Variants in BOLA3 observed in about 807,000 individuals in gnomAD.
BOLA3 encodes the protein bolA family member 3.
A neutral mutation model predicts 14.5 loss-of-function variants in BOLA3; 8 were observed. That is an observed-to-expected ratio of 0.55 (90% CI 0.32 to 0.99). BOLA3 has a LOEUF of 0.99. BOLA3 is among the 50% of genes least tolerant of loss of function. The pLI, the probability that BOLA3 is intolerant of heterozygous loss-of-function variation, is 0.04. For synonymous variants in BOLA3, 42 were observed against 45.7 expected (o/e 0.92, Z 0.33); for missense variants, 115 against 138.2 (o/e 0.83, Z 0.84).
At chr2:74,140,103 G>A (rs1406393444) in intron 3 of BOLA3, among the ~76,000 whole-genome samples, 1 of 152,176 alleles carries the variant, frequency 6.6e-6, no homozygotes, top group African/African-American at 2.4e-5. Flanking sequence ...GGCCAACATG[G>A]TGAAACCCCA....
At chr2:74,144,479 C>A (rs550942871) in intron 2 of BOLA3, among the ~76,000 whole-genome samples, 1 of 152,340 alleles carries the variant, frequency 6.6e-6, no homozygotes, top group African/African-American at 2.4e-5. Context: ...CAGACTGATG[C>A]CTATCCAGCG....
chr2:74,142,170 T>C, intron 3 of BOLA3, 102 bp downstream of exon 3: 1 of 862,388 alleles, frequency 1.2e-6, no homozygotes, highest in Non-Finnish European at 2.0e-6. Context: ...CAGTACTGCA[T>C]TATTCTCTCC....
chr2:74,136,011 G>A (rs1392891856), intron 3 of BOLA3, among the ~76,000 whole-genome samples: 5 of 150,418 alleles, frequency 3.3e-5, no homozygotes, highest in South Asian at 2.1e-4. Context: ...GTGCAGTGGC[G>A]CGATATCGGC....
intron 3 of BOLA3, among the ~76,000 whole-genome samples, chr2:74,140,513 T>C (rs1692419905): frequency 2.0e-5 from 3 of 152,172 alleles, no homozygotes; most frequent in Admixed American, 6.5e-5. Flanking sequence ...CGTCCTGCAG[T>C]AAGCCTGCTT....
At chr2:74,141,901 C>T (rs1273855245) in intron 3 of BOLA3, among the ~76,000 whole-genome samples, 1 of 152,216 alleles carries the variant, frequency 6.6e-6, no homozygotes, top group Non-Finnish European at 1.5e-5. Context: ...TCAACTGACT[C>T]ATCTGTAAAG....
In BOLA3 at chr2:74,147,703, T is replaced by C. The variant is rs1369409682; in HGVS notation, c.54+118A>G. ...AGAGAAAGGAAGAGGAGCCCCCCAT[T>C]GCCAGTGCCGCGCGCGCCCTCCGGG... On this transcript the variant is annotated intron_variant, in intron 1 of 3. Coordinates refer to ENST00000327428, the MANE Select transcript of BOLA3 (RefSeq NM_212552.3). The C allele has an allele frequency of 4.4e-6, 4 of 902,242 alleles. No individual in the cohort carries two copies. In the African/African-American group the frequency reaches 6.7e-5, roughly 15 times the overall value. The allele number at this position is 902,242 out of a possible 1,614,324, so 55.9% of individuals were successfully genotyped here. A position where few individuals can be genotyped will look rare whatever the true frequency, so the allele number is the denominator to read the frequency against.
At chr2:74,141,266 G>A (rs892963030) in intron 3 of BOLA3, among the ~76,000 whole-genome samples, 7 of 151,990 alleles carry the variant, frequency 4.6e-5, no homozygotes, top group Admixed American at 6.6e-5. Flanking sequence ...CACAAAGATG[G>A]ATCCCAAAGG....
chr2:74,144,966 A>G (rs566663259), intron 2 of BOLA3, among the ~76,000 whole-genome samples: 1 of 152,294 alleles, frequency 6.6e-6, no homozygotes, highest in African/African-American at 2.4e-5. Flanking sequence ...GGCAACCTTG[A>G]GTCCTCCCAG....
At chr2:74,139,150 G>A (rs1048500413) in intron 3 of BOLA3, among the ~76,000 whole-genome samples, 8 of 152,110 alleles carry the variant, frequency 5.3e-5, no homozygotes, top group African/African-American at 1.9e-4. Context: ...GACAGGGGGC[G>A]CCCCCTCCAG....
intron 3 of BOLA3, among the ~76,000 whole-genome samples, chr2:74,142,037 C>T (rs186181059): frequency 2.6e-4 from 40 of 152,330 alleles, no homozygotes; most frequent in African/African-American, 8.4e-4. Flanking sequence ...TAGCATTATA[C>T]GAGGACATAC....
chr2:74,144,871 C>G (rs533371525), intron 2 of BOLA3, among the ~76,000 whole-genome samples: 1 of 152,332 alleles, frequency 6.6e-6, no homozygotes, highest in East Asian at 1.9e-4. Flanking sequence ...AAAATTAGAG[C>G]AAAACCTATT....
intron 3 of BOLA3, among the ~76,000 whole-genome samples, chr2:74,138,748 G>C (rs1692382692): frequency 6.6e-6 from 1 of 152,224 alleles, no homozygotes; most frequent in Admixed American, 6.5e-5. Context: ...CCCTAAGCTG[G>C]AAAGAGGCCG....
rs377556422 is a variant in BOLA3, at chr2:74,145,269, G to A, written c.89C>T (p.Thr30Ile). The change falls in exon 2 of 4, where the codon ACT becomes ATT. Residue 30 changes from threonine to isoleucine, a missense_variant. Physicochemically the swap from Thr to Ile is moderately conservative, Grantham distance 89. Coordinates refer to ENST00000327428, the MANE Select transcript of BOLA3 (RefSeq NM_212552.3). ...TTGGGTCACTCTGAGCTCCCCCTCAGTCTGAGTGGCAAACATCCGATGGTG... is the reference window on the plus strand; with the variant it reads ...TTGGGTCACTCTGAGCTCCCCCTCAATCTGAGTGGCAAACATCCGATGGTG... ...PLHHRMFATQ[T>I]EGELRVTQIL... The A allele has an allele frequency of 6.2e-7, 1 of 1,611,262 alleles. No individual in the cohort carries two copies. Among genetic ancestry groups the A allele is most frequent in the Non-Finnish European group, 8.5e-7 (1 of 1,177,432 alleles).
At position 74,147,822 on chromosome 2, in the gene BOLA3, C is replaced by A. The variant is rs1356925754; in HGVS notation, c.53G>T (p.Gly18Val). ...AGCCCCGACCCTGCCCACGCTCACC[C>A]CGCGGATCCCGCGGAGGAGAGGCGC... The part of the protein sequence containing the change: ...AAAPLLRGIR[G>V]LPLHHRMFAT... The change falls in exon 1 of 4, where the codon GGG becomes GTG. Residue 18 changes from glycine (G) to valine (V), a missense_variant and splice_region_variant. Gly to Val is a moderately radical substitution (Grantham distance 109). Coordinates refer to ENST00000327428, the MANE Select transcript of BOLA3 (RefSeq NM_212552.3). 4 of 1,528,812 alleles carry A rather than the reference C, an allele frequency of 2.6e-6. No homozygotes were observed. The East Asian group carries it at 9.9e-5, about 38-fold the overall frequency. 94.7% of individuals were successfully genotyped at this position (1,528,812 alleles called of 1,614,324 possible).
At chr2:74,145,772 G>A (rs931271605) in intron 1 of BOLA3, 3 of 198,556 alleles carry the variant, frequency 1.5e-5, no homozygotes, top group East Asian at 1.2e-4. Flanking sequence ...ACACTCCCTC[G>A]CCTTTAGGCC....
At position 74,145,174 on chromosome 2, in the gene BOLA3, T is replaced by G; in HGVS notation, c.169+15A>C. On this transcript the variant is annotated intron_variant, in intron 2 of 3. Transcript: ENST00000327428. ...TCTTATCCAAGCGCCGTAGGAAGAG[T>G]GAGAGAAACCTTACCTGAAATGTCA... 1.4e-6 allele frequency: 2 copies of G among 1,418,750 alleles called. No individual in the cohort carries two copies. The highest frequency in any genetic ancestry group is 2.0e-6 in the Non-Finnish European group (2 of 1,002,604). 87.9% of individuals were successfully genotyped at this position (1,418,750 alleles called of 1,614,324 possible). A position where few individuals can be genotyped will look rare whatever the true frequency, so the allele number is the denominator to read the frequency against.
At chr2:74,139,562 G>C (rs1692399388) in intron 3 of BOLA3, among the ~76,000 whole-genome samples, 1 of 152,298 alleles carries the variant, frequency 6.6e-6, no homozygotes, top group Admixed American at 6.5e-5. Flanking sequence ...TCCCGGCTCA[G>C]ACCCTGCCGG....
At chr2:74,137,450 T>C (rs1415200592) in intron 3 of BOLA3, among the ~76,000 whole-genome samples, 1 of 152,240 alleles carries the variant, frequency 6.6e-6, no homozygotes, top group African/African-American at 2.4e-5. Flanking sequence ...TTTTGTTACA[T>C]GGGCCAATTA....
chr2:74,138,665 C>G (rs1157238543), intron 3 of BOLA3, among the ~76,000 whole-genome samples: 1 of 152,208 alleles, frequency 6.6e-6, no homozygotes, highest in African/African-American at 2.4e-5. Context: ...GGATTCTGGG[C>G]AACCAGGGGA....
Sources: gnomAD v4.1 joint callset for allele counts (sites outside exome capture counted in the v4.1 genomes callset) on GRCh38, gnomAD v4.1.1 for gene constraint, MANE v1.5 for transcripts, NCBI Gene and HGNC (gene_info 2026-07-23, HGNC 2026-07-21) for gene names.